Variants in C9orf50 observed in about 807,000 individuals in gnomAD.
C9orf50 encodes chromosome 9 open reading frame 50.
C9orf50 carries 33 observed loss-of-function variants against 42.5 expected under a neutral mutation model. The ratio of observed to expected loss-of-function variants is 0.78; its 90% confidence interval spans 0.59 to 1.04. The LOEUF (loss-of-function observed/expected upper bound fraction) is 1.04, where lower values mean the gene tolerates loss of function less well. Ranked by LOEUF, C9orf50 falls within the 50% of genes least tolerant of loss-of-function variation. C9orf50 has a pLI of 0.00. For synonymous variants in C9orf50, 257 were observed against 273.4 expected (o/e 0.94, Z 0.59); for missense variants, 547 against 594.3 (o/e 0.92, Z 0.83).
intron 4 of C9orf50, among the ~76,000 whole-genome samples, chr9:129,615,263 C>T (rs1274998808): frequency 6.6e-6 from 1 of 152,202 alleles, no homozygotes; most frequent in Non-Finnish European, 1.5e-5. Flanking sequence ...GTGCTGCCTG[C>T]GTTGGAACAC....
intron 3 of C9orf50, among the ~76,000 whole-genome samples, chr9:129,617,640 T>C (rs955148201): frequency 2.0e-5 from 3 of 152,212 alleles, no homozygotes; most frequent in Non-Finnish European, 4.4e-5. Context: ...TTGGCCTGAT[T>C]GGTTGAACGT....
chr9:129,619,824 G>C (rs760490939), exon 2 of C9orf50: 10 of 1,613,974 alleles, frequency 6.2e-6, no homozygotes, highest in Non-Finnish European at 8.5e-6. Context: ...TTGCGGTGCT[G>C]GGGATGCTGG....
chr9:129,612,709 C>T (rs1484247846), intron 6 of C9orf50, among the ~76,000 whole-genome samples: 4 of 152,234 alleles, frequency 2.6e-5, no homozygotes, highest in Non-Finnish European at 4.4e-5. Flanking sequence ...GAAACCCTGT[C>T]TCTACCGAAA....
At chr9:129,616,311 G>A (rs965629289) in intron 3 of C9orf50, among the ~76,000 whole-genome samples, 3 of 152,168 alleles carry the variant, frequency 2.0e-5, no homozygotes, top group Non-Finnish European at 4.4e-5. Flanking sequence ...CGCCTCCCGG[G>A]TTCACGCCAT....
chr9:129,620,837 G>A, upstream of C9orf50: 1 of 366,184 alleles, frequency 2.7e-6, no homozygotes. The surrounding 1 kb of genome is among the most constrained non-coding windows in gnomAD (Gnocchi z 5.8). Flanking sequence ...GCAAGTACAT[G>A]CCAGTCTTAG....
rs760155416 is a variant in C9orf50, at chr9:129,613,576, T to A, written c.902A>T (p.Asn301Ile). 66 of 1,614,000 alleles carry A rather than the reference T, an allele frequency of 4.1e-5. No individual in the cohort carries two copies. Among genetic ancestry groups the A allele is most frequent in the Non-Finnish European group, 5.3e-5 (63 of 1,180,018 alleles). ...CGCCACTGGCAGGGCGGCCTTCTGG[T>A]TCACAATGACGCTCTGTTGGACTGC... The change falls in exon 5 of 7, where the codon AAC becomes ATC. Residue 301 changes from asparagine (N) to isoleucine (I), a missense_variant. By Grantham distance (149) the Asn-to-Ile change is moderately radical (BLOSUM62 -3). Around this residue, in one of 3 missense-constraint regions of C9orf50, gnomAD observed 334 missense variants for 323.7 expected, o/e 1.03. Coordinates refer to ENST00000372478, the Ensembl canonical transcript of C9orf50. This position sits in a 1 kb window ranked among gnomAD's most constrained non-coding sequence, Gnocchi z 6.2.
In C9orf50 at chr9:129,620,091, A is replaced by C; in HGVS notation, c.484T>G (p.Cys162Gly). The C allele has an allele frequency of 6.9e-7, 1 of 1,450,050 alleles. No homozygotes were observed. Among genetic ancestry groups the C allele is most frequent in the South Asian group, 1.5e-5 (1 of 67,938 alleles). The allele number at this position is 1,450,050 out of a possible 1,614,324, so 89.8% of individuals were successfully genotyped here. ...CTCAGTGGCTCCGGCTCCTCGGCGCACTTCTCCTGGAGCTGGTGCAGGAAC... is the reference window on the plus strand; with the variant it reads ...CTCAGTGGCTCCGGCTCCTCGGCGCCCTTCTCCTGGAGCTGGTGCAGGAAC... Residue 162 changes from cysteine to glycine, a missense_variant, in exon 1 of 7, where the codon TGC (cysteine) becomes GGC (glycine). Physicochemically the swap from Cys to Gly is radical, Grantham distance 159. This residue lies in a region of C9orf50 where 108 missense variants were observed against 172.1 expected (regional missense o/e 0.63). Coordinates refer to ENST00000372478, the Ensembl canonical transcript of C9orf50. The surrounding 1 kb of genome is among the most constrained non-coding windows in gnomAD (Gnocchi z 5.8).
chr9:129,620,745 T>G lies in C9orf50; in HGVS notation c.-171A>C. On this transcript the variant is annotated 5_prime_UTR_variant, in exon 1 of 7. Transcript: ENST00000372478. The surrounding 1 kb of genome is among the most constrained non-coding windows in gnomAD (Gnocchi z 5.8). ...ACAGCGAGTGGCTTCAGGCGAGAGC[T>G]CCCAGAGCCTCTGTTTCCTCACCTG... The G allele has an allele frequency of 2.0e-6, 1 of 511,474 alleles. No individual in the cohort carries two copies. The allele number at this position is 511,474 out of a possible 1,614,324, so 31.7% of individuals were successfully genotyped here.
In C9orf50 at chr9:129,620,464, CG is replaced by C; in HGVS notation, c.110del (p.Pro37ArgfsTer107). 1 of 1,341,136 alleles carries C rather than the reference CG, an allele frequency of 7.5e-7. No homozygotes were observed. The highest frequency in any genetic ancestry group is 1.8e-5 in the South Asian group (1 of 55,628). 83.1% of individuals were successfully genotyped at this position (1,341,136 alleles called of 1,614,324 possible). On this transcript the variant is annotated frameshift_variant, in exon 1 of 7. Transcript: ENST00000372478. LOFTEE classifies it high-confidence loss of function. The surrounding 1 kb of genome is among the most constrained non-coding windows in gnomAD (Gnocchi z 5.8). ...CGCCCAGAGCCGCTCGGAGCGCGGG[CG>C]GGGTCAGCTTGGGCAGCCGCGGGTC...
In C9orf50 at chr9:129,613,364, G is replaced by A. The variant is rs995350214; in HGVS notation, c.1043+71C>T. The A allele has an allele frequency of 6.3e-7, 1 of 1,587,094 alleles. No homozygotes were observed. Among genetic ancestry groups the A allele is most frequent in the Admixed American group, 1.7e-5 (1 of 57,902 alleles). Reference sequence around the variant, plus strand: ...CAACCCGCCTGCTGCTGGGTGGGGAGGTCTGTAGGCAAGGGGGGTGGAGGG... The same window carrying A: ...CAACCCGCCTGCTGCTGGGTGGGGAAGTCTGTAGGCAAGGGGGGTGGAGGG... On this transcript the variant is annotated intron_variant, in intron 5 of 6. Coordinates refer to ENST00000372478, the Ensembl canonical transcript of C9orf50. The surrounding 1 kb of genome is among the most constrained non-coding windows in gnomAD (Gnocchi z 6.2).
chr9:129,612,481 C>T, intron 6 of C9orf50, 27 bp from the exon 7 acceptor site: 1 of 1,590,064 alleles, frequency 6.3e-7, no homozygotes, highest in Non-Finnish European at 8.6e-7. Context: ...GACCAGCTGG[C>T]TGCTACCAGG....
rs768225333 is a variant in C9orf50 at position 129,613,384 on chromosome 9, G to A, written c.1043+51C>T. 5 of 1,598,908 alleles carry A rather than the reference G, an allele frequency of 3.1e-6. No individual in the cohort carries two copies. The Admixed American group carries it at 6.8e-5, about 22-fold the overall frequency. ...GGGGAGGTCTGTAGGCAAGGGGGGT[G>A]GAGGGCCCTGGCAATGTCCACGAGT... On this transcript the variant is annotated intron_variant, in intron 5 of 6. Coordinates refer to ENST00000372478, the Ensembl canonical transcript of C9orf50. The surrounding 1 kb of genome is among the most constrained non-coding windows in gnomAD (Gnocchi z 6.2).
chr9:129,613,102 C>T lies in C9orf50; in HGVS notation c.1188+5G>A. Reference sequence around the variant, plus strand: ...CTAGGTCCAGGAGCAAGACCATTTGCCCACCTGCTCCAGGTTTCTGTGCGG... The same window carrying T: ...CTAGGTCCAGGAGCAAGACCATTTGTCCACCTGCTCCAGGTTTCTGTGCGG... On this transcript the variant is annotated splice_donor_5th_base_variant and intron_variant, in intron 6 of 6. Coordinates refer to ENST00000372478, the Ensembl canonical transcript of C9orf50. This position sits in a 1 kb window ranked among gnomAD's most constrained non-coding sequence, Gnocchi z 6.2. 1.9e-6 allele frequency: 3 copies of T among 1,613,780 alleles called. No individual in the cohort carries two copies. Among genetic ancestry groups the T allele is most frequent in the Non-Finnish European group, 2.5e-6 (3 of 1,180,000 alleles).
At chr9:129,618,876 T>G (rs1470737940) in intron 3 of C9orf50, among the ~76,000 whole-genome samples, 1 of 150,300 alleles carries the variant, frequency 6.7e-6, no homozygotes, top group Non-Finnish European at 1.5e-5. Context: ...GTGTTTTTTT[T>G]TTTTTTTTTG....
chr9:129,620,725 G>C lies in C9orf50; in HGVS notation c.-151C>G. 1 of 669,532 alleles carries C rather than the reference G, an allele frequency of 1.5e-6. No individual in the cohort carries two copies. Among genetic ancestry groups the C allele is most frequent in the Non-Finnish European group, 2.1e-6 (1 of 475,158 alleles). 41.5% of individuals were successfully genotyped at this position (669,532 alleles called of 1,614,324 possible). A position where few individuals can be genotyped will look rare whatever the true frequency, so the allele number is the denominator to read the frequency against. Reference sequence around the variant, plus strand: ...GAACGCCACCGGCCCGGCGGACAGCGAGTGGCTTCAGGCGAGAGCTCCCAG... The same window carrying C: ...GAACGCCACCGGCCCGGCGGACAGCCAGTGGCTTCAGGCGAGAGCTCCCAG... On this transcript the variant is annotated 5_prime_UTR_variant, in exon 1 of 7. Transcript: ENST00000372478. This position sits in a 1 kb window ranked among gnomAD's most constrained non-coding sequence, Gnocchi z 5.8.
chr9:129,619,711 T>C, intron 2 of C9orf50, 29 bp downstream of exon 2: 1 of 1,612,850 alleles, frequency 6.2e-7, no homozygotes, highest in East Asian at 2.2e-5. Context: ...GGCAACCCCG[T>C]CCCCACCAAG....
chr9:129,620,775 A>G lies in C9orf50; in HGVS notation c.-201T>C, dbSNP rs1310880156. ...GAGCCTCTGTTTCCTCACCTGAAAAATGGTGACAGCAAGAGTAGCCAACTT... is the reference window on the plus strand; with the variant it reads ...GAGCCTCTGTTTCCTCACCTGAAAAGTGGTGACAGCAAGAGTAGCCAACTT... On this transcript the variant is annotated 5_prime_UTR_variant, in exon 1 of 7. Coordinates refer to ENST00000372478, the Ensembl canonical transcript of C9orf50. This position sits in a 1 kb window ranked among gnomAD's most constrained non-coding sequence, Gnocchi z 5.8. 5.2e-5 allele frequency: 23 copies of G among 438,128 alleles called. No individual in the cohort carries two copies. Among genetic ancestry groups the G allele is most frequent in the Non-Finnish European group, 6.4e-5 (17 of 264,234 alleles). The allele number at this position is 438,128 out of a possible 1,614,324, so 27.1% of individuals were successfully genotyped here.
exon 4 of C9orf50, chr9:129,615,489 C>T (rs1283489619): frequency 5.6e-6 from 9 of 1,592,928 alleles, no homozygotes; most frequent in South Asian, 2.3e-5. Context: ...CTTACCTGAG[C>T]GTCTGCGCTC....
At position 129,614,549 on chromosome 9, in the gene C9orf50, A is replaced by G. The variant is rs1830257211; in HGVS notation, c.880+935T>C. Among the ~76,000 whole-genome samples, 1 of 152,230 alleles carries G rather than the reference A, an allele frequency of 6.6e-6. No individual in the cohort carries two copies. Among genetic ancestry groups the G allele is most frequent in the Non-Finnish European group, 1.5e-5 (1 of 68,044 alleles). On this transcript the variant is annotated intron_variant, in intron 4 of 6. Transcript: ENST00000372478. This position sits in a 1 kb window ranked among gnomAD's most constrained non-coding sequence, Gnocchi z 4.4. ...CACAGAAAAAGGTGGAGCTTAGTCA[A>G]GGTTATACCAGAGTAAGAACAGGGA...
Sources: allele counts gnomAD v4.1 joint callset (sites outside exome capture counted in the v4.1 genomes callset), GRCh38; gene constraint gnomAD v4.1.1; regional missense constraint gnomAD v4.1.1; non-coding constraint Gnocchi (gnomAD v3.1); transcripts MANE v1.5; gene names NCBI Gene and HGNC (gene_info 2026-07-23, HGNC 2026-07-21).